IQGAP2: variants seen among roughly 807,000 people sequenced by gnomAD.
IQGAP2 encodes ras GTPase-activating-like protein IQGAP2.
In IQGAP2, 173 loss-of-function variants were observed where a neutral mutation model predicts 201.3. The observed-to-expected ratio is 0.86, with a 90% CI of 0.76 to 0.98. The LOEUF is 0.98. Among genes scored for constraint, IQGAP2 ranks in the 50% least tolerant of loss-of-function variants. IQGAP2 has a pLI of 0.00. For synonymous variants in IQGAP2, 675 were observed against 673.9 expected (o/e 1.00, Z -0.03); for missense variants, 1,687 against 1,864.8 (o/e 0.90, Z 1.76).
At chr5:76,509,984 C>CTTTTTTTTTTTTTTTTTTTTT (rs11331690) in intron 2 of IQGAP2, among the ~76,000 whole-genome samples, 4 of 138,054 alleles carry the variant, frequency 2.9e-5, no homozygotes, top group African/African-American at 8.1e-5. Context: ...AATTTTCTTT[C>CTTTTTTTTTTTTTTTTTTTTT]TTTTTTTTTT....
chr5:76,432,048 G>C lies in IQGAP2; in HGVS notation c.46+28457G>C, dbSNP rs552563601. ...TATATTCATAATATAGTTAATTATAGATAATAATCAAATTAAGGAAATTTG... is the reference window on the plus strand; with the variant it reads ...TATATTCATAATATAGTTAATTATACATAATAATCAAATTAAGGAAATTTG... On this transcript the variant is annotated intron_variant, in intron 1 of 35. Coordinates refer to ENST00000274364, the MANE Select transcript of IQGAP2 (RefSeq NM_006633.5). Among the ~76,000 whole-genome samples, 4 of 149,250 alleles carry C rather than the reference G, an allele frequency of 2.7e-5. No individual in the cohort carries two copies. In the South Asian group the frequency reaches 6.4e-4, roughly 24 times the overall value.
intron 2 of IQGAP2, among the ~76,000 whole-genome samples, chr5:76,501,526 G>T (rs1757272348): frequency 6.6e-6 from 1 of 151,762 alleles, no homozygotes; most frequent in South Asian, 2.1e-4. Context: ...GTTGTCTGGT[G>T]TTCCCCCTTA....
At chr5:76,476,995 C>T (rs1275824502) in intron 2 of IQGAP2, among the ~76,000 whole-genome samples, 1 of 152,146 alleles carries the variant, frequency 6.6e-6, no homozygotes, top group Non-Finnish European at 1.5e-5. Flanking sequence ...TGTTCTAATT[C>T]ATTTTCTAAG....
At chr5:76,477,266 G>A (rs1755489633) in intron 2 of IQGAP2, among the ~76,000 whole-genome samples, 1 of 152,134 alleles carries the variant, frequency 6.6e-6, no homozygotes, top group Admixed American at 6.5e-5. Context: ...ACCTGAGCCT[G>A]GGAGGTAGAG....
At chr5:76,558,217 A>G (rs1744083775) in intron 2 of IQGAP2, among the ~76,000 whole-genome samples, 3 of 152,120 alleles carry the variant, frequency 2.0e-5, no homozygotes, top group African/African-American at 7.2e-5. Context: ...GGGAGCTTTT[A>G]TTTTTGCCTC....
rs1554055026 is a variant in IQGAP2, at chr5:76,429,626, T to TA, written c.46+26035_46+26036insA. 8.8e-3 allele frequency among the ~76,000 whole-genome samples: 1,268 copies of TA among 143,420 alleles called. 8 individuals carry two copies. The highest frequency in any genetic ancestry group is 0.012 in the Non-Finnish European group (810 of 66,560). The allele number at this position is 143,420 out of a possible 152,430, so 94.1% of individuals were successfully genotyped here. On this transcript the variant is annotated intron_variant, in intron 1 of 35. Coordinates refer to ENST00000274364, the MANE Select transcript of IQGAP2 (RefSeq NM_006633.5). ...TATTTATATATATACATATATAAAT[T>TA]TATATATATACATATATGTATATAT...
intron 1 of IQGAP2, chr5:76,441,385 C>A: frequency 2.4e-6 from 1 of 411,224 alleles, no homozygotes; most frequent in Non-Finnish European, 3.3e-6. Flanking sequence ...TTTTTTACTT[C>A]CCGGAAGGAA....
At chr5:76,602,443 T>G (rs1747492229) in intron 11 of IQGAP2, among the ~76,000 whole-genome samples, 1 of 152,210 alleles carries the variant, frequency 6.6e-6, no homozygotes. Flanking sequence ...AATGCCTGCT[T>G]CTTCATTTAC....
intron 11 of IQGAP2, among the ~76,000 whole-genome samples, chr5:76,602,123 T>C (rs995780800): frequency 6.6e-6 from 1 of 152,226 alleles, no homozygotes; most frequent in African/African-American, 2.4e-5. Flanking sequence ...CTTATACCTC[T>C]GCAAGATGTT....
chr5:76,570,658 G>T lies in IQGAP2; in HGVS notation c.381+1G>T, dbSNP rs200990534. Reference sequence around the variant, plus strand: ...GATGGAGTCTATTGGTCTACCCAAGGTAAGCCTTCACGCACTGGAATCTGA... The same window carrying T: ...GATGGAGTCTATTGGTCTACCCAAGTTAAGCCTTCACGCACTGGAATCTGA... On this transcript the variant is annotated splice_donor_variant, in intron 4 of 35. Transcript: ENST00000274364. LOFTEE classifies it high-confidence loss of function. 19 of 1,608,498 alleles carry T rather than the reference G, an allele frequency of 1.2e-5. No homozygotes were observed. The Admixed American group carries it at 2.0e-4, about 17-fold the overall frequency.
intron 2 of IQGAP2, among the ~76,000 whole-genome samples, chr5:76,551,307 C>A (rs1185771398): frequency 1.7e-4 from 25 of 151,396 alleles, no homozygotes; most frequent in African/African-American, 5.8e-4. Flanking sequence ...GGCGGCCGGG[C>A]AGAGATGCTC....
intron 1 of IQGAP2, among the ~76,000 whole-genome samples, chr5:76,426,905 G>GGGGTGTGTGTGTGTGTGTGTGT (rs1554054705): frequency 4.1e-5 from 6 of 146,586 alleles, no homozygotes; most frequent in African/African-American, 1.5e-4. Context: ...AACCATGGAG[G>GGGGTGTGTGTGTGTGTGTGTGT]GTGTGTGTGT....
At chr5:76,561,563 A>G (rs1214258438) in intron 2 of IQGAP2, among the ~76,000 whole-genome samples, 1 of 152,180 alleles carries the variant, frequency 6.6e-6, no homozygotes, top group Non-Finnish European at 1.5e-5. Context: ...TGAGAACTGC[A>G]CACCGGGTTC....
chr5:76,674,429 T>A (rs1289939041), intron 26 of IQGAP2, 48 bp from the exon 27 acceptor site: 1 of 1,136,492 alleles, frequency 8.8e-7, no homozygotes, highest in Non-Finnish European at 1.3e-6. Flanking sequence ...ACTAAAACTC[T>A]TGAGTTTTCT....
chr5:76,614,636 G>A (rs61262452), intron 13 of IQGAP2, among the ~76,000 whole-genome samples: 1 of 80,960 alleles, frequency 1.2e-5, no homozygotes, highest in African/African-American at 5.3e-5. Flanking sequence ...TTTTTTTGGA[G>A]ACAGGATCTT....
intron 28 of IQGAP2, among the ~76,000 whole-genome samples, chr5:76,678,661 A>T (rs113274943): frequency 1.4e-3 from 220 of 152,314 alleles, no homozygotes; most frequent in African/African-American, 4.9e-3. Context: ...TTCAAGTTCT[A>T]GATGCTTCAG....
chr5:76,664,287 A>C (rs533390718), intron 21 of IQGAP2, among the ~76,000 whole-genome samples: 1 of 152,334 alleles, frequency 6.6e-6, no homozygotes, highest in East Asian at 1.9e-4. Flanking sequence ...AGAAGAGAAG[A>C]GAAAAAGGAA....
chr5:76,485,523 A>G (rs1373893812), intron 2 of IQGAP2, among the ~76,000 whole-genome samples: 1 of 152,156 alleles, frequency 6.6e-6, no homozygotes, highest in Non-Finnish European at 1.5e-5. Context: ...GTTACATTGA[A>G]AACCACCCAG....
chr5:76,612,926 C>A (rs990521701), intron 13 of IQGAP2, among the ~76,000 whole-genome samples: 1 of 152,122 alleles, frequency 6.6e-6, no homozygotes, highest in Admixed American at 6.5e-5. Flanking sequence ...ATTACTGTTT[C>A]TAAACTTTTA....
Sources: allele counts gnomAD v4.1 joint callset (sites outside exome capture counted in the v4.1 genomes callset), GRCh38; gene constraint gnomAD v4.1.1; transcripts MANE v1.5; gene names NCBI Gene and HGNC (gene_info 2026-07-23, HGNC 2026-07-21).